Variants in CNTN4 observed in about 807,000 individuals in gnomAD.
The protein encoded by CNTN4 is contactin 4.
Under a neutral mutation model 122.5 loss-of-function variants are expected in CNTN4, and 77 were observed. The observed-to-expected ratio is 0.63, with a 90% confidence interval of 0.52 to 0.76. The LOEUF (loss-of-function observed/expected upper bound fraction) is 0.76, where lower values mean the gene tolerates loss of function less well. CNTN4 is among the 30% of genes least tolerant of loss of function. CNTN4 has a pLI of 0.00. For synonymous variants in CNTN4, 512 were observed against 447.0 expected (o/e 1.15, Z -1.83); for missense variants, 1,256 against 1,259.1 (o/e 1.00, Z 0.04).
chr3:2,651,042 A>G (rs112760022), intron 4 of CNTN4, among the ~76,000 whole-genome samples: 2 of 152,342 alleles, frequency 1.3e-5, no homozygotes, highest in African/African-American at 4.8e-5. Context: ...GAACGCAAGG[A>G]TATTAACATC....
At chr3:2,164,128 T>C (rs535068270) in intron 2 of CNTN4, among the ~76,000 whole-genome samples, 5 of 151,690 alleles carry the variant, frequency 3.3e-5, no homozygotes, top group African/African-American at 9.7e-5. Flanking sequence ...ACTAAAGAAC[T>C]ATCTGTGTAA....
At chr3:2,298,849 G>A (rs2042404118) in intron 2 of CNTN4, among the ~76,000 whole-genome samples, 1 of 152,166 alleles carries the variant, frequency 6.6e-6, no homozygotes, top group Admixed American at 6.5e-5. Context: ...TTTGTGAGGA[G>A]TAAATTAATG....
intron 3 of CNTN4, among the ~76,000 whole-genome samples, chr3:2,443,787 TG>T (rs2048520968): frequency 6.6e-6 from 1 of 152,154 alleles, no homozygotes; most frequent in African/African-American, 2.4e-5. Flanking sequence ...CCACTCCTCC[TG>T]GGGTGAAGTT....
chr3:2,438,534 C>G (rs887022990), intron 3 of CNTN4, among the ~76,000 whole-genome samples: 8 of 151,918 alleles, frequency 5.3e-5, no homozygotes, highest in South Asian at 2.1e-4. Flanking sequence ...AACAACCCCC[C>G]CAAAAAAAAC....
intron 14 of CNTN4, among the ~76,000 whole-genome samples, chr3:3,010,698 C>A (rs1391926): frequency 0.41 from 61,607 of 151,790 alleles, 12,788 homozygotes; most frequent in Middle Eastern, 0.61. Context: ...ACGAGGAGGG[C>A]GCTGTGAAAT....
At chr3:2,746,188 G>A (rs569718415) in intron 6 of CNTN4, among the ~76,000 whole-genome samples, 7 of 120,652 alleles carry the variant, frequency 5.8e-5, no homozygotes, top group South Asian at 2.7e-4. Flanking sequence ...ATACTTTAAC[G>A]ATAAAGGTGA....
chr3:2,536,994 A>G (rs1012587387), intron 3 of CNTN4, among the ~76,000 whole-genome samples: 1 of 152,066 alleles, frequency 6.6e-6, no homozygotes, highest in Non-Finnish European at 1.5e-5. Flanking sequence ...ACTCTCTACC[A>G]TGTAGTGTTT....
At chr3:2,292,187 AT>A (rs1230121683) in intron 2 of CNTN4, among the ~76,000 whole-genome samples, 1 of 152,192 alleles carries the variant, frequency 6.6e-6, no homozygotes, top group Non-Finnish European at 1.5e-5. Context: ...TGTCCCACAC[AT>A]TTTGGCAACA....
chr3:2,900,003 A>G (rs958014962), intron 10 of CNTN4, among the ~76,000 whole-genome samples: 30 of 152,134 alleles, frequency 2.0e-4, no homozygotes, highest in African/African-American at 6.5e-4. Context: ...CTTAGATGAA[A>G]AGTTTATTTC....
intron 6 of CNTN4, among the ~76,000 whole-genome samples, chr3:2,752,700 G>A (rs750759887): frequency 6.6e-6 from 1 of 152,096 alleles, no homozygotes; most frequent in Non-Finnish European, 1.5e-5. Flanking sequence ...GAGAGCACAA[G>A]AACTTATCCC....
At chr3:2,569,945 G>A (rs1435281849) in intron 3 of CNTN4, among the ~76,000 whole-genome samples, 1 of 152,056 alleles carries the variant, frequency 6.6e-6, no homozygotes, top group Non-Finnish European at 1.5e-5. Flanking sequence ...AGACTCTAGA[G>A]GATAGAGACT....
chr3:2,759,347 G>A (rs990605138), intron 6 of CNTN4, among the ~76,000 whole-genome samples: 7 of 151,972 alleles, frequency 4.6e-5, no homozygotes, highest in Admixed American at 4.6e-4. Context: ...GTAGAGACAG[G>A]GTTTCACCAT....
In CNTN4 at chr3:2,138,070, T is replaced by C. The variant is rs551524949; in HGVS notation, c.-145+37431T>C. Among the ~76,000 whole-genome samples the C allele has an allele frequency of 2.6e-5, 4 of 151,106 alleles. No individual in the cohort carries two copies. The South Asian group carries it at 8.4e-4, about 32-fold the overall frequency. On this transcript the variant is annotated intron_variant, in intron 2 of 24. Transcript: ENST00000418658. ...CCTCCCAATATTCTTCTTCTTCTTT[T>C]TTTTTTTTTTTTTCGAGACGGAGTC...
chr3:2,975,394 C>T lies in CNTN4; in HGVS notation c.1359-12951C>T, dbSNP rs145022448. On this transcript the variant is annotated intron_variant, in intron 13 of 24. Transcript: ENST00000418658. ...ACTCCACTCTATTTCTTGTAAATGA[C>T]ATTGACTTTGGATGTTTTAATTTAC... 1.6e-3 allele frequency among the ~76,000 whole-genome samples: 246 copies of T among 152,232 alleles called. 6 individuals are homozygous for T. Among genetic ancestry groups the T allele is most frequent in the East Asian group, 0.013 (66 of 5,184 alleles).
At chr3:2,216,434 A>C (rs2038844049) in intron 2 of CNTN4, among the ~76,000 whole-genome samples, 1 of 152,138 alleles carries the variant, frequency 6.6e-6, no homozygotes, top group Non-Finnish European at 1.5e-5. Context: ...ACTATTAGGT[A>C]CTGGGCTTAA....
At chr3:2,855,431 A>G (rs1387462265) in intron 7 of CNTN4, among the ~76,000 whole-genome samples, 1 of 152,222 alleles carries the variant, frequency 6.6e-6, no homozygotes, top group Middle Eastern at 3.2e-3. Context: ...TATTCTACTT[A>G]TTTCTAAAAA....
chr3:2,284,940 A>C (rs2041848986), intron 2 of CNTN4, among the ~76,000 whole-genome samples: 1 of 151,974 alleles, frequency 6.6e-6, no homozygotes, highest in South Asian at 2.1e-4. Context: ...TTAATGCTTC[A>C]TCAGTTGTTA....
At chr3:2,208,622 G>C (rs1352892245) in intron 2 of CNTN4, among the ~76,000 whole-genome samples, 2 of 152,166 alleles carry the variant, frequency 1.3e-5, no homozygotes, top group African/African-American at 2.4e-5. Context: ...CATTTCTGCT[G>C]TGGGTCAAAT....
intron 3 of CNTN4, among the ~76,000 whole-genome samples, chr3:2,365,201 C>G (rs543159152): frequency 2.6e-5 from 4 of 152,050 alleles, no homozygotes; most frequent in Non-Finnish European, 5.9e-5. Flanking sequence ...TCCTCAATGC[C>G]AAGTTACCTT....
Sources: allele counts gnomAD v4.1 joint callset (sites outside exome capture counted in the v4.1 genomes callset), GRCh38; gene constraint gnomAD v4.1.1; transcripts MANE v1.5; gene names NCBI Gene and HGNC (gene_info 2026-07-23, HGNC 2026-07-21).